PTPRN2: variants seen among roughly 807,000 people sequenced by gnomAD.
PTPRN2 encodes receptor-type tyrosine-protein phosphatase N2.
In PTPRN2, 74 loss-of-function variants were observed where a neutral mutation model predicts 118.8. The ratio of observed to expected loss-of-function variants is 0.62; its 90% CI spans 0.52 to 0.76. The LOEUF (loss-of-function observed/expected upper bound fraction) is 0.76. Among genes scored for constraint, PTPRN2 ranks in the 30% least tolerant of loss-of-function variants. The probability of loss-of-function intolerance (pLI) is 0.00; values close to 1 mark genes in which losing one functional copy is unlikely to be tolerated. For missense variants in PTPRN2, 1,481 were observed against 1,394.4 expected (o/e 1.06, Z -0.99); for synonymous variants, 641 against 608.0 (o/e 1.05, Z -0.80).
intron 2 of PTPRN2, among the ~76,000 whole-genome samples, chr7:158,444,732 C>A (rs112795298): frequency 0.036 from 5,420 of 152,266 alleles, 135 homozygotes; most frequent in Non-Finnish European, 0.055. Context: ...TCCCTTTCCT[C>A]GTCCTCAGTG....
chr7:158,333,522 A>C (rs1365065693), intron 2 of PTPRN2, among the ~76,000 whole-genome samples: 1 of 148,654 alleles, frequency 6.7e-6, no homozygotes, highest in Admixed American at 6.6e-5. Context: ...TCTCACCATA[A>C]GACCTGACAC....
intron 3 of PTPRN2, among the ~76,000 whole-genome samples, chr7:158,312,833 C>T (rs888447457): frequency 3.3e-5 from 5 of 151,322 alleles, no homozygotes; most frequent in Non-Finnish European, 7.4e-5. Context: ...ATCCCCTACA[C>T]GTGAGCATGG....
At chr7:157,839,348 CTGTG>C (rs1808201999) in intron 12 of PTPRN2, among the ~76,000 whole-genome samples, 1 of 151,948 alleles carries the variant, frequency 6.6e-6, no homozygotes, top group South Asian at 2.1e-4. Flanking sequence ...GAGTGTATGA[CTGTG>C]TGTGTCTGTG....
At chr7:158,492,105 GC>G (rs1048782240) in intron 1 of PTPRN2, among the ~76,000 whole-genome samples, 40 of 152,316 alleles carry the variant, frequency 2.6e-4, no homozygotes, top group African/African-American at 8.7e-4. Context: ...AGCTGTGAGG[GC>G]CCCTCCCGCC....
chr7:158,188,170 C>T (rs560841367), intron 5 of PTPRN2, among the ~76,000 whole-genome samples: 77 of 146,380 alleles, frequency 5.3e-4, no homozygotes, highest in African/African-American at 1.7e-3. Flanking sequence ...CTGGGAAGGC[C>T]GCCACGCTCG....
At chr7:158,535,567 C>G (rs1169132169) in intron 1 of PTPRN2, among the ~76,000 whole-genome samples, 1 of 152,108 alleles carries the variant, frequency 6.6e-6, no homozygotes, top group Non-Finnish European at 1.5e-5. Flanking sequence ...GGGGCTTTCT[C>G]TGGGGTCAGA....
At chr7:157,970,994 TAA>T (rs1802294948) in intron 11 of PTPRN2, among the ~76,000 whole-genome samples, 1 of 152,174 alleles carries the variant, frequency 6.6e-6, no homozygotes, top group Admixed American at 6.5e-5. Flanking sequence ...ATTTACCCAG[TAA>T]AGTCAGCTGA....
At chr7:158,435,561 C>T (rs757486047) in intron 2 of PTPRN2, among the ~76,000 whole-genome samples, 1 of 152,258 alleles carries the variant, frequency 6.6e-6, no homozygotes, top group South Asian at 2.1e-4. Context: ...ATCCAGCAAC[C>T]CCACTCTGGG....
intron 11 of PTPRN2, among the ~76,000 whole-genome samples, chr7:158,047,644 C>A (rs558566749): frequency 6.6e-6 from 1 of 152,170 alleles, no homozygotes; most frequent in Non-Finnish European, 1.5e-5. Context: ...GCAGTCACTG[C>A]GCTTGGGAGA....
intron 2 of PTPRN2, 102 bp from the exon 3 acceptor site, chr7:158,317,034 C>A (rs528111062): frequency 4.6e-6 from 4 of 873,062 alleles, no homozygotes; most frequent in Middle Eastern, 2.3e-4. Context: ...CATGTGCCGC[C>A]GTGAGGTTTT....
chr7:158,284,054 T>G lies in PTPRN2; in HGVS notation c.277+32765A>C, dbSNP rs376065992. On this transcript the variant is annotated intron_variant, in intron 3 of 22. Transcript: ENST00000389418. Reference sequence around the variant, plus strand: ...CTGAAAGACATGTTCATAGCTATATTCGATGTCGTTGGATTTTCCAACATG... The same window carrying G: ...CTGAAAGACATGTTCATAGCTATATGCGATGTCGTTGGATTTTCCAACATG... Among the ~76,000 whole-genome samples, 9 of 152,328 alleles carry G rather than the reference T, an allele frequency of 5.9e-5. 1 individual carries two copies. The South Asian group carries it at 1.9e-3, about 32-fold the overall frequency.
intron 3 of PTPRN2, among the ~76,000 whole-genome samples, chr7:158,310,267 A>ATTT (rs1477488285): frequency 2.0e-5 from 3 of 152,210 alleles, no homozygotes; most frequent in African/African-American, 7.2e-5. Flanking sequence ...CCATGGATGA[A>ATTT]TTTTTAAAAG....
intron 2 of PTPRN2, among the ~76,000 whole-genome samples, chr7:158,459,127 C>T (rs1020170922): frequency 4.7e-5 from 7 of 150,418 alleles, no homozygotes; most frequent in East Asian, 2.0e-4. Context: ...TGGGACCACA[C>T]GTGCTGATGT....
chr7:158,447,568 C>T (rs1817812337), intron 2 of PTPRN2, among the ~76,000 whole-genome samples: 1 of 152,220 alleles, frequency 6.6e-6, no homozygotes, highest in South Asian at 2.1e-4. Flanking sequence ...GGCCGACCCG[C>T]CCAGCTTGCT....
chr7:157,589,827 C>T (rs1320942663), intron 17 of PTPRN2, among the ~76,000 whole-genome samples: 1 of 152,226 alleles, frequency 6.6e-6, no homozygotes, highest in Non-Finnish European at 1.5e-5. Context: ...CCACCAAGTC[C>T]AGACGCCAGC....
chr7:157,565,899 G>A (rs1247473664), intron 21 of PTPRN2, among the ~76,000 whole-genome samples: 1 of 152,208 alleles, frequency 6.6e-6, no homozygotes, highest in Non-Finnish European at 1.5e-5. Flanking sequence ...GAAATGACAC[G>A]TGTAAGCGCT....
chr7:158,296,975 G>C (rs966456648), intron 3 of PTPRN2, among the ~76,000 whole-genome samples: 1 of 152,190 alleles, frequency 6.6e-6, no homozygotes, highest in African/African-American at 2.4e-5. Flanking sequence ...AGTTGGGGTG[G>C]TGGGGCAGGA....
chr7:157,717,340 G>A (rs534767945), intron 12 of PTPRN2, among the ~76,000 whole-genome samples: 4 of 152,360 alleles, frequency 2.6e-5, no homozygotes, highest in African/African-American at 4.8e-5. Context: ...TGATGGTGCC[G>A]TGGGAGCCAC....
chr7:158,505,932 C>T (rs1822713825), intron 1 of PTPRN2, among the ~76,000 whole-genome samples: 1 of 152,220 alleles, frequency 6.6e-6, no homozygotes, highest in African/African-American at 2.4e-5. Flanking sequence ...CACCTGGCAG[C>T]TACAGTGGGT....
Sources: gnomAD v4.1 joint callset for allele counts (sites outside exome capture counted in the v4.1 genomes callset) on GRCh38, gnomAD v4.1.1 for gene constraint, MANE v1.5 for transcripts, NCBI Gene and HGNC (gene_info 2026-07-23, HGNC 2026-07-21) for gene names.